Variants in SAMD13 observed in about 807,000 individuals in gnomAD.
The protein encoded by SAMD13 is sterile alpha motif domain-containing protein 13.
Under a neutral mutation model 12.4 loss-of-function variants are expected in SAMD13, and 9 were observed. The ratio of observed to expected loss-of-function variants is 0.72; its 90% CI spans 0.44 to 1.26. SAMD13 has a LOEUF of 1.26. SAMD13 is among the 50% of genes most tolerant of loss of function. The pLI is 0.00. For missense variants in SAMD13, 84 were observed against 119.6 expected (o/e 0.70, Z 1.39); for synonymous variants, 46 against 45.4 (o/e 1.01, Z -0.05).
At chr1:84,302,337 C>CTTTTTT (rs34069417) in intron 1 of SAMD13, among the ~76,000 whole-genome samples, 1 of 123,166 alleles carries the variant, frequency 8.1e-6, no homozygotes, top group Non-Finnish European at 1.7e-5. Context: ...CTGTTTCTTC[C>CTTTTTT]TTTTTTTTTT....
chr1:84,298,834 G>A (rs1000079386), upstream of SAMD13, among the ~76,000 whole-genome samples: 18 of 152,176 alleles, frequency 1.2e-4, no homozygotes, highest in African/African-American at 4.3e-4. Flanking sequence ...GAGCGGGACG[G>A]GGTGGTGGCA....
chr1:84,330,756 T>C (rs1284249822), intron 3 of SAMD13, among the ~76,000 whole-genome samples: 1 of 152,192 alleles, frequency 6.6e-6, no homozygotes, highest in Admixed American at 6.6e-5. Flanking sequence ...ACTTAGAATA[T>C]ATAAGAAGAA....
intron 2 of SAMD13, among the ~76,000 whole-genome samples, chr1:84,310,452 G>A (rs1435916873): frequency 6.6e-6 from 1 of 152,158 alleles, no homozygotes; most frequent in Non-Finnish European, 1.5e-5. Context: ...GAACCCGTGA[G>A]CCACAGGTTG....
At chr1:84,337,728 G>A (rs1285221235) in intron 3 of SAMD13, among the ~76,000 whole-genome samples, 1 of 152,208 alleles carries the variant, frequency 6.6e-6, no homozygotes, top group African/African-American at 2.4e-5. Flanking sequence ...GCTTGAGTCT[G>A]TCCTCAGAAA....
At chr1:84,323,405 G>A (rs12568397) in intron 2 of SAMD13, among the ~76,000 whole-genome samples, 1 of 152,098 alleles carries the variant, frequency 6.6e-6, no homozygotes, top group African/African-American at 2.4e-5. Context: ...TTAAATGGTA[G>A]GAAGATTGTG....
At chr1:84,334,004 C>G (rs1462480262) in intron 3 of SAMD13, among the ~76,000 whole-genome samples, 1 of 152,024 alleles carries the variant, frequency 6.6e-6, no homozygotes, top group Non-Finnish European at 1.5e-5. Flanking sequence ...GGATATTGGC[C>G]TGAAGTTTTC....
chr1:84,318,557 A>G (rs1678881120), intron 2 of SAMD13, among the ~76,000 whole-genome samples: 1 of 152,148 alleles, frequency 6.6e-6, no homozygotes, highest in African/African-American at 2.4e-5. Flanking sequence ...TGTATGCTTG[A>G]AAAGAAATGT....
At chr1:84,325,873 T>C in intron 3 of SAMD13, 125 bp downstream of exon 3, 1 of 636,718 alleles carries the variant, frequency 1.6e-6, no homozygotes, top group Non-Finnish European at 2.9e-6. Flanking sequence ...TCAGTGAGGC[T>C]CTGAGAAACT....
intron 3 of SAMD13, among the ~76,000 whole-genome samples, chr1:84,345,665 A>T (rs954770706): frequency 2.0e-5 from 3 of 152,052 alleles, no homozygotes; most frequent in Admixed American, 1.3e-4. Context: ...GCCTGTCTTG[A>T]TGGCTACTCT....
At chr1:84,304,602 T>C (rs1025249706) in intron 2 of SAMD13, among the ~76,000 whole-genome samples, 4 of 152,170 alleles carry the variant, frequency 2.6e-5, no homozygotes, top group African/African-American at 9.6e-5. Flanking sequence ...ACAATTAAGA[T>C]GACAAATATT....
intron 2 of SAMD13, among the ~76,000 whole-genome samples, chr1:84,321,396 A>C (rs1337569879): frequency 6.6e-6 from 1 of 152,072 alleles, no homozygotes; most frequent in African/African-American, 2.4e-5. Flanking sequence ...GTGCCTGGAA[A>C]ATGCTCATAC....
At chr1:84,305,859 A>G (rs1203865872) in intron 2 of SAMD13, among the ~76,000 whole-genome samples, 1 of 152,100 alleles carries the variant, frequency 6.6e-6, no homozygotes, top group Non-Finnish European at 1.5e-5. Context: ...CTTTTTGCAT[A>G]TATTTATGCC....
chr1:84,341,744 G>A (rs1403071687), intron 3 of SAMD13, among the ~76,000 whole-genome samples: 1 of 152,094 alleles, frequency 6.6e-6, no homozygotes, highest in African/African-American at 2.4e-5. Flanking sequence ...ATGAGAATGA[G>A]GAGTGAGAGA....
Position 84,346,304 on chromosome 1 carries a change from C to G in SAMD13, c.166-3327C>G, listed in dbSNP as rs540777578. Among the ~76,000 whole-genome samples the G allele has an allele frequency of 8.5e-5, 13 of 152,238 alleles. 1 individual carries two copies. The South Asian group carries it at 1.7e-3, about 19-fold the overall frequency. On this transcript the variant is annotated intron_variant, in intron 3 of 3. Transcript: ENST00000394834. Reference sequence around the variant, plus strand: ...TCTTGCCCTCATTGGAAATTTAAACCTATCATCTCGGAACTTTACTTCCAT... The same window carrying G: ...TCTTGCCCTCATTGGAAATTTAAACGTATCATCTCGGAACTTTACTTCCAT...
At chr1:84,301,841 T>A in intron 1 of SAMD13, 40 bp downstream of exon 1, 2 of 816,724 alleles carry the variant, frequency 2.4e-6, no homozygotes, top group Non-Finnish European at 3.0e-6. Flanking sequence ...AAGAAAATAA[T>A]AGTAATAATA....
At chr1:84,349,161 C>G (rs1379097421) in intron 3 of SAMD13, among the ~76,000 whole-genome samples, 1 of 152,172 alleles carries the variant, frequency 6.6e-6, no homozygotes, top group Admixed American at 6.5e-5. Flanking sequence ...ACTTCTTGAT[C>G]TTAGAGGGTG....
chr1:84,319,341 C>A lies in SAMD13; in HGVS notation c.54-6296C>A, dbSNP rs546320052. Among the ~76,000 whole-genome samples the A allele has an allele frequency of 2.9e-3, 442 of 152,108 alleles. 2 individuals carry two copies. The highest frequency in any genetic ancestry group is 3.8e-3 in the Non-Finnish European group (257 of 67,962). ...ATTGAGTCTGCTTGAAAGGAGTGTTCTTGGCCAGGTGCAGTGGCTCACACC... is the reference window on the plus strand; with the variant it reads ...ATTGAGTCTGCTTGAAAGGAGTGTTATTGGCCAGGTGCAGTGGCTCACACC... On this transcript the variant is annotated intron_variant, in intron 2 of 3. Coordinates refer to ENST00000394834, the MANE Select transcript of SAMD13 (RefSeq NM_001134663.2).
intron 3 of SAMD13, among the ~76,000 whole-genome samples, chr1:84,329,926 A>G (rs1441561265): frequency 2.0e-5 from 3 of 152,198 alleles, no homozygotes; most frequent in Non-Finnish European, 4.4e-5. Flanking sequence ...TACTGCACTC[A>G]TTCAGCTAGC....
intron 2 of SAMD13, among the ~76,000 whole-genome samples, chr1:84,308,782 A>C (rs1009009122): frequency 1.3e-5 from 2 of 152,106 alleles, no homozygotes; most frequent in African/African-American, 4.8e-5. Context: ...GTAAATCTGA[A>C]AATTTTTTAA....
Sources: allele counts gnomAD v4.1 joint callset (sites outside exome capture counted in the v4.1 genomes callset), GRCh38; gene constraint gnomAD v4.1.1; transcripts MANE v1.5; gene names NCBI Gene and HGNC (gene_info 2026-07-23, HGNC 2026-07-21).